The following CCDC83 variants were observed in gnomAD, a reference collection of about 807,000 sequenced individuals.
CCDC83 encodes coiled-coil domain-containing protein 83.
Under a neutral mutation model 50.1 loss-of-function variants are expected in CCDC83, and 54 were observed. The ratio of observed to expected loss-of-function variants is 1.08; its 90% CI spans 0.87 to 1.35. CCDC83 has a LOEUF of 1.35. CCDC83 is among the 40% of genes most tolerant of loss of function. The pLI is 0.00. For synonymous variants in CCDC83, 161 were observed against 153.3 expected (o/e 1.05, Z -0.37); for missense variants, 518 against 473.9 (o/e 1.09, Z -0.86).
chr11:85,881,611 G>A (rs971606252), intron 3 of CCDC83, among the ~76,000 whole-genome samples: 1 of 151,966 alleles, frequency 6.6e-6, no homozygotes, highest in Non-Finnish European at 1.5e-5. Flanking sequence ...TAGAGACAGG[G>A]TATCACTATG....
At chr11:85,896,800 A>ACTATCTG (rs2093377919) in intron 6 of CCDC83, among the ~76,000 whole-genome samples, 1 of 151,636 alleles carries the variant, frequency 6.6e-6, no homozygotes, top group African/African-American at 2.4e-5. Flanking sequence ...CTCTCTTCAA[A>ACTATCTG]CTATCTGCAA....
At chr11:85,867,511 A>C (rs913925278) in intron 2 of CCDC83, among the ~76,000 whole-genome samples, 1 of 152,218 alleles carries the variant, frequency 6.6e-6, no homozygotes, top group African/African-American at 2.4e-5. Context: ...AAGAGAGAAG[A>C]GGCTTTCACC....
At chr11:85,900,625 C>T (rs2093396981) in intron 7 of CCDC83, among the ~76,000 whole-genome samples, 1 of 152,116 alleles carries the variant, frequency 6.6e-6, no homozygotes, top group Non-Finnish European at 1.5e-5. Flanking sequence ...CCAAGGACCA[C>T]CAGGCATTTG....
chr11:85,913,205 T>C (rs1317667544), intron 8 of CCDC83, among the ~76,000 whole-genome samples: 2 of 152,242 alleles, frequency 1.3e-5, no homozygotes, highest in Non-Finnish European at 2.9e-5. Flanking sequence ...GTGACATTTA[T>C]AGGAACTGAT....
intron 3 of CCDC83, among the ~76,000 whole-genome samples, chr11:85,875,235 A>G (rs2093262459): frequency 6.6e-6 from 1 of 152,210 alleles, no homozygotes; most frequent in African/African-American, 2.4e-5. Context: ...GGGTAGGTAT[A>G]TGTAAAATAG....
intron 7 of CCDC83, among the ~76,000 whole-genome samples, chr11:85,908,108 A>G (rs924084082): frequency 1.3e-5 from 2 of 152,190 alleles, no homozygotes; most frequent in African/African-American, 4.8e-5. Flanking sequence ...CGGTTTTACT[A>G]AATTGTTTGA....
At chr11:85,860,442 G>C (rs763838028) in intron 1 of CCDC83, among the ~76,000 whole-genome samples, 1 of 151,740 alleles carries the variant, frequency 6.6e-6, no homozygotes, top group Non-Finnish European at 1.5e-5. Flanking sequence ...ACCATGATAA[G>C]ATACTATCAC....
intron 1 of CCDC83, among the ~76,000 whole-genome samples, 194 bp from the exon 2 acceptor site, chr11:85,864,902 A>G (rs1174031033): frequency 6.6e-6 from 1 of 152,200 alleles, no homozygotes; most frequent in Non-Finnish European, 1.5e-5. Context: ...TGGGCTAAAC[A>G]TGGAATTCAC....
intron 8 of CCDC83, among the ~76,000 whole-genome samples, chr11:85,912,983 A>G (rs1482383393): frequency 1.3e-5 from 2 of 152,206 alleles, no homozygotes; most frequent in African/African-American, 4.8e-5. Flanking sequence ...AGACTGAGAA[A>G]CTTTTAATGG....
intron 6 of CCDC83, among the ~76,000 whole-genome samples, chr11:85,897,866 C>T (rs1334558303): frequency 6.6e-6 from 1 of 152,058 alleles, no homozygotes; most frequent in Non-Finnish European, 1.5e-5. Flanking sequence ...CTCTTAAAGA[C>T]TTTAATAGGG....
intron 5 of CCDC83, among the ~76,000 whole-genome samples, chr11:85,888,472 C>T (rs1374209436): frequency 6.6e-6 from 1 of 152,160 alleles, no homozygotes; most frequent in East Asian, 1.9e-4. Flanking sequence ...ATATCTGTCA[C>T]CCATTTTTCT....
At chr11:85,872,168 G>C (rs1170674708) in intron 2 of CCDC83, among the ~76,000 whole-genome samples, 1 of 152,056 alleles carries the variant, frequency 6.6e-6, no homozygotes, top group African/African-American at 2.4e-5. Flanking sequence ...GGCCAGCCTG[G>C]TCTGGAACTC....
intron 6 of CCDC83, among the ~76,000 whole-genome samples, chr11:85,897,653 C>T (rs2093381477): frequency 6.6e-6 from 1 of 152,182 alleles, no homozygotes; most frequent in Non-Finnish European, 1.5e-5. Flanking sequence ...CACTGATCCA[C>T]TGTTAGTGAA....
chr11:85,863,099 A>G (rs1037946010), intron 1 of CCDC83, among the ~76,000 whole-genome samples: 1 of 152,266 alleles, frequency 6.6e-6, no homozygotes, highest in Non-Finnish European at 1.5e-5. Flanking sequence ...TACCACAGGT[A>G]AAAACCGTAA....
rs192007530 is a variant in CCDC83 at position 85,865,431 on chromosome 11, C to T, written c.95+213C>T. ...ATAGTCCAAGTAGTAGCTATGACTA[C>T]TTAGACTATTTTATGAAATGAAATG... On this transcript the variant is annotated intron_variant, in intron 2 of 10. Transcript: ENST00000342404. Among the ~76,000 whole-genome samples the T allele has an allele frequency of 4.6e-5, 7 of 152,330 alleles. No homozygotes were observed. The East Asian group carries it at 1.2e-3, about 25-fold the overall frequency.
chr11:85,918,343 AG>A (rs1294189881), intron 10 of CCDC83, among the ~76,000 whole-genome samples: 2 of 152,218 alleles, frequency 1.3e-5, no homozygotes, highest in Non-Finnish European at 2.9e-5. Flanking sequence ...GTCCCTGATC[AG>A]TCTGTGCTTA....
chr11:85,861,112 T>C (rs2093173730), intron 1 of CCDC83, among the ~76,000 whole-genome samples: 1 of 152,370 alleles, frequency 6.6e-6, no homozygotes, highest in South Asian at 2.1e-4. Context: ...ACATCTCTTT[T>C]TGAATTCCCA....
At chr11:85,918,697 T>C (rs1395682869) in intron 10 of CCDC83, among the ~76,000 whole-genome samples, 1 of 152,164 alleles carries the variant, frequency 6.6e-6, no homozygotes, top group African/African-American at 2.4e-5. Context: ...TAGTGTGTGG[T>C]CTGTGCCTGT....
rs76930859 is a variant in CCDC83 at position 85,882,519 on chromosome 11, C to T, written c.187C>T (p.Arg63Cys). ...KNQKYHERNS[R>C]LKEEQIWHIR... ...CTGTTGATTTTCATGACAGAATAGC[C>T]GCTTAAAAGAAGAACAGATTTGGCA... Residue 63 changes from arginine to cysteine, a missense_variant, in exon 4 of 11, where the codon CGC (arginine) becomes TGC (cysteine). By Grantham distance (180) the Arg-to-Cys change is radical. Transcript: ENST00000342404. The T allele has an allele frequency of 1.8e-4, 297 of 1,613,208 alleles. No individual in the cohort carries two copies. In the East Asian group the frequency reaches 3.4e-3, roughly 19 times the overall value.
Sources: gnomAD v4.1 joint callset for allele counts (sites outside exome capture counted in the v4.1 genomes callset) on GRCh38, gnomAD v4.1.1 for gene constraint, MANE v1.5 for transcripts, NCBI Gene and HGNC (gene_info 2026-07-23, HGNC 2026-07-21) for gene names.